The following CACNA2D1 variants were observed in gnomAD, a reference collection of about 807,000 sequenced individuals.
CACNA2D1 encodes voltage-dependent calcium channel subunit alpha-2/delta-1.
A neutral mutation model predicts 171.5 loss-of-function variants in CACNA2D1; 53 were observed. That is an observed-to-expected ratio of 0.31 (90% CI 0.25 to 0.39). The LOEUF (loss-of-function observed/expected upper bound fraction) is 0.39. CACNA2D1 is among the 10% of genes least tolerant of loss of function. CACNA2D1 has a pLI of 1.00. For missense variants in CACNA2D1, 903 were observed against 1,299.8 expected (o/e 0.69, Z 4.69); for synonymous variants, 442 against 443.1 (o/e 1.00, Z 0.03).
rs1814644880 is a variant in CACNA2D1, at chr7:82,312,854, T to C, written c.294+22281A>G. 2.0e-5 allele frequency among the ~76,000 whole-genome samples: 3 copies of C among 152,184 alleles called. No homozygotes were observed. In the South Asian group the frequency reaches 6.2e-4, roughly 32 times the overall value. ...TGGCCTTGAAACTCTTGATTTGAAA[T>C]ACAATCCAAGACTGTGGATTCCCAC... On this transcript the variant is annotated intron_variant, in intron 3 of 38. Coordinates refer to ENST00000356860, the MANE Select transcript of CACNA2D1 (RefSeq NM_000722.4).
intron 3 of CACNA2D1, among the ~76,000 whole-genome samples, chr7:82,256,092 C>T (rs918531284): frequency 1.3e-5 from 2 of 152,118 alleles, no homozygotes; most frequent in African/African-American, 4.8e-5. Flanking sequence ...GCCTGGCCAA[C>T]ATGGTGAAAC....
At chr7:81,985,487 C>T (rs973252438) in intron 21 of CACNA2D1, among the ~76,000 whole-genome samples, 2 of 152,004 alleles carry the variant, frequency 1.3e-5, no homozygotes, top group Non-Finnish European at 2.9e-5. Flanking sequence ...ATTATCATTA[C>T]TATTGAACAA....
In CACNA2D1 at chr7:82,203,398, G is replaced by A. The variant is rs144718670; in HGVS notation, c.295-32789C>T. On this transcript the variant is annotated intron_variant, in intron 3 of 38. Coordinates refer to ENST00000356860, the MANE Select transcript of CACNA2D1 (RefSeq NM_000722.4). ...AGAGCCAGGAATAGCTTGCCTTCAC[G>A]GGAGGGCGACAATGAACTTTCACAG... Among the ~76,000 whole-genome samples, 1,117 of 152,224 alleles carry A rather than the reference G, an allele frequency of 7.3e-3. 7 individuals carry two copies. The highest frequency in any genetic ancestry group is 0.014 in the South Asian group (69 of 4,818).
intron 4 of CACNA2D1, among the ~76,000 whole-genome samples, chr7:82,166,554 G>A (rs763516778): frequency 1.6e-4 from 24 of 152,074 alleles, no homozygotes; most frequent in Admixed American, 6.6e-4. Flanking sequence ...GCAATCAAAT[G>A]AGATTTGAAA....
intron 3 of CACNA2D1, among the ~76,000 whole-genome samples, chr7:82,282,710 G>GGA (rs1177420977): frequency 6.7e-6 from 1 of 148,758 alleles, no homozygotes; most frequent in Non-Finnish European, 1.5e-5. Flanking sequence ...AATGTGGGGG[G>GGA]GGGAATCACA....
intron 3 of CACNA2D1, among the ~76,000 whole-genome samples, chr7:82,277,182 T>C (rs75477804): frequency 0.012 from 1,835 of 152,228 alleles, 38 homozygotes; most frequent in African/African-American, 0.042. Flanking sequence ...CTAACTCTTA[T>C]TTGAATATTT....
chr7:82,271,689 T>G (rs1808652848), intron 3 of CACNA2D1, among the ~76,000 whole-genome samples: 1 of 152,112 alleles, frequency 6.6e-6, no homozygotes, highest in South Asian at 2.1e-4. Context: ...AAGCTTTAGA[T>G]GCACAGTTAT....
chr7:81,992,665 A>G (rs1797669146), intron 20 of CACNA2D1, among the ~76,000 whole-genome samples: 1 of 152,218 alleles, frequency 6.6e-6, no homozygotes, highest in Non-Finnish European at 1.5e-5. Flanking sequence ...TCAGTAGCAG[A>G]AATTATAATC....
intron 3 of CACNA2D1, among the ~76,000 whole-genome samples, chr7:82,326,319 T>A (rs1212574578): frequency 6.6e-6 from 1 of 152,152 alleles, no homozygotes; most frequent in Admixed American, 6.5e-5. Flanking sequence ...ATTGGTTTGT[T>A]ATATGGCGTG....
At chr7:82,308,953 G>C (rs1402882250) in intron 3 of CACNA2D1, among the ~76,000 whole-genome samples, 1 of 152,198 alleles carries the variant, frequency 6.6e-6, no homozygotes, top group Non-Finnish European at 1.5e-5. Context: ...TCTAAATCGG[G>C]TGGAGAAGGG....
chr7:82,428,686 G>T (rs1829414833), intron 1 of CACNA2D1, among the ~76,000 whole-genome samples: 1 of 152,108 alleles, frequency 6.6e-6, no homozygotes, highest in Non-Finnish European at 1.5e-5. Flanking sequence ...GTACTTGATG[G>T]CCTCTCATTT....
chr7:82,369,184 T>C (rs1323664919), intron 1 of CACNA2D1, among the ~76,000 whole-genome samples: 1 of 152,136 alleles, frequency 6.6e-6, no homozygotes, highest in African/African-American at 2.4e-5. Context: ...TAATTATTTA[T>C]TTATCAAACT....
chr7:82,394,247 T>C (rs1177158364), intron 1 of CACNA2D1, among the ~76,000 whole-genome samples: 1 of 151,998 alleles, frequency 6.6e-6, no homozygotes, highest in Non-Finnish European at 1.5e-5. Flanking sequence ...TTATTCCTCA[T>C]TCTTCTTTAT....
chr7:81,947,791 C>G lies in CACNA2D1; in HGVS notation c.*2601G>C, dbSNP rs1202778140. 6.6e-6 allele frequency: 1 copy of G among 151,834 alleles called. No individual in the cohort carries two copies. Among genetic ancestry groups the G allele is most frequent in the Non-Finnish European group, 1.5e-5 (1 of 67,828 alleles). 9.4% of individuals were successfully genotyped at this position (151,834 alleles called of 1,614,324 possible). On this transcript the variant is annotated 3_prime_UTR_variant, in exon 39 of 39. Coordinates refer to ENST00000356860, the MANE Select transcript of CACNA2D1 (RefSeq NM_000722.4). ...TAATAATTTGATGGGATGAGTGTTA[C>G]TGTCTTAAAAAATATGCTAAAAGCA... is the stretch of plus-strand genomic sequence containing the variant.
intron 6 of CACNA2D1, among the ~76,000 whole-genome samples, chr7:82,106,158 G>A (rs1040259045): frequency 3.9e-5 from 6 of 152,080 alleles, no homozygotes; most frequent in East Asian, 1.9e-4. Context: ...AATCTTTGTC[G>A]TTTTAATAAA....
chr7:82,367,287 T>G (rs1821848916), intron 1 of CACNA2D1, among the ~76,000 whole-genome samples: 1 of 152,112 alleles, frequency 6.6e-6, no homozygotes, highest in South Asian at 2.1e-4. Flanking sequence ...ATTTCTCTGA[T>G]GATTAGTGAT....
chr7:82,118,417 A>C (rs1454855087), intron 5 of CACNA2D1, among the ~76,000 whole-genome samples: 2 of 152,214 alleles, frequency 1.3e-5, no homozygotes, highest in Non-Finnish European at 2.9e-5. Context: ...AAGTGAAAAG[A>C]GAAAAAATCC....
At chr7:82,124,598 G>GA (rs1790122587) in intron 5 of CACNA2D1, among the ~76,000 whole-genome samples, 1 of 152,148 alleles carries the variant, frequency 6.6e-6, no homozygotes, top group African/African-American at 2.4e-5. Flanking sequence ...AACCAAGTAA[G>GA]CAACATGAAA....
intron 4 of CACNA2D1, among the ~76,000 whole-genome samples, chr7:82,164,047 C>A (rs1402581400): frequency 6.6e-6 from 1 of 151,930 alleles, no homozygotes; most frequent in Non-Finnish European, 1.5e-5. Context: ...GACCTAAAAT[C>A]TGAAGTAGAT....
Sources: allele counts gnomAD v4.1 joint callset (sites outside exome capture counted in the v4.1 genomes callset), GRCh38; gene constraint gnomAD v4.1.1; transcripts MANE v1.5; gene names NCBI Gene and HGNC (gene_info 2026-07-23, HGNC 2026-07-21).